Variants in ZBBX observed in about 807,000 individuals in gnomAD.
ZBBX encodes zinc finger B-box domain containing.
A neutral mutation model predicts 108.5 loss-of-function variants in ZBBX; 101 were observed. The observed-to-expected ratio is 0.93, with a 90% CI of 0.79 to 1.10. The LOEUF is 1.10. ZBBX is among the 50% of genes least tolerant of loss of function. ZBBX has a pLI of 0.00. For synonymous variants in ZBBX, 356 were observed against 323.4 expected (o/e 1.10, Z -1.08); for missense variants, 1,009 against 941.4 (o/e 1.07, Z -0.94).
chr3:167,256,046 A>G (rs901938033), intron 20 of ZBBX, among the ~76,000 whole-genome samples: 1 of 152,140 alleles, frequency 6.6e-6, no homozygotes, highest in Non-Finnish European at 1.5e-5. Flanking sequence ...CAAATAAGTG[A>G]TAACATGCAA....
intron 11 of ZBBX, among the ~76,000 whole-genome samples, chr3:167,323,140 G>T (rs965782055): frequency 1.3e-5 from 2 of 149,930 alleles, no homozygotes; most frequent in African/African-American, 4.9e-5. Context: ...AAAGAGCAGA[G>T]TTAAGGACAT....
At chr3:167,306,141 T>C (rs906848225) in intron 16 of ZBBX, among the ~76,000 whole-genome samples, 191 bp from the exon 17 acceptor site, 2 of 152,186 alleles carry the variant, frequency 1.3e-5, no homozygotes, top group Non-Finnish European at 2.9e-5. Context: ...CATAATTCAC[T>C]TATAGAACCA....
chr3:167,222,352 A>T, the ZBBX span, among the ~76,000 whole-genome samples: 111 of 152,102 alleles, frequency 7.3e-4, 1 homozygote, highest in Middle Eastern at 6.8e-3. Flanking sequence ...TGAGATCTAA[A>T]AATCAAAACA....
At chr3:167,284,988 T>C (rs1729456465) in intron 19 of ZBBX, among the ~76,000 whole-genome samples, 1 of 152,082 alleles carries the variant, frequency 6.6e-6, no homozygotes, top group Admixed American at 6.6e-5. Context: ...TCTCAATTTG[T>C]AGATTAAAAG....
rs1310255920 is a variant in ZBBX at position 167,359,897 on chromosome 3, T to C, written c.405A>G (p.Gly135=). The change falls in exon 8 of 22, where the codon GGA becomes GGG. Residue 135 remains glycine, a synonymous_variant. Transcript: ENST00000675490. ...EKPKINGKVC[G]QCENKAALLV... ...GTAGAGCAGCTTTGTTCTCACACTG[T>C]CCACATACTTTCCCATTTATCTTGG... The C allele has an allele frequency of 1.9e-6, 3 of 1,561,734 alleles. No individual in the cohort carries two copies. Among genetic ancestry groups the C allele is most frequent in the Non-Finnish European group, 2.6e-6 (3 of 1,148,236 alleles).
At chr3:167,288,357 G>C (rs942915851) in intron 19 of ZBBX, among the ~76,000 whole-genome samples, 2 of 152,148 alleles carry the variant, frequency 1.3e-5, no homozygotes, top group Non-Finnish European at 2.9e-5. Flanking sequence ...TTAGAGAATA[G>C]AGGTAATGAA....
chr3:167,329,406 T>C (rs573442854), intron 10 of ZBBX, among the ~76,000 whole-genome samples: 24 of 152,300 alleles, frequency 1.6e-4, no homozygotes, highest in African/African-American at 5.5e-4. Flanking sequence ...GGGTATATTG[T>C]TAAAGACGTA....
intron 20 of ZBBX, among the ~76,000 whole-genome samples, chr3:167,250,528 A>G (rs1722393288): frequency 1.1e-5 from 1 of 87,468 alleles, no homozygotes; most frequent in Non-Finnish European, 2.1e-5. Flanking sequence ...TTAACCTTAT[A>G]AAACTTTTTT....
intron 10 of ZBBX, among the ~76,000 whole-genome samples, chr3:167,331,972 T>A (rs1738708829): frequency 6.6e-6 from 1 of 152,120 alleles, no homozygotes; most frequent in Non-Finnish European, 1.5e-5. Flanking sequence ...AAAAAGGCCA[T>A]AAGAGAAGCA....
chr3:167,192,552 C>T, the ZBBX span, among the ~76,000 whole-genome samples: 1 of 152,104 alleles, frequency 6.6e-6, no homozygotes, highest in African/African-American at 2.4e-5. Flanking sequence ...TCAGGATGTT[C>T]TCTTTAATCG....
intron 20 of ZBBX, among the ~76,000 whole-genome samples, chr3:167,278,803 A>G (rs956109072): frequency 1.3e-5 from 2 of 150,618 alleles, no homozygotes; most frequent in African/African-American, 4.9e-5. Context: ...ACCAAAAAAG[A>G]GAATTTTAGA....
chr3:167,205,796 C>T, the ZBBX span, among the ~76,000 whole-genome samples: 1 of 152,220 alleles, frequency 6.6e-6, no homozygotes, highest in East Asian at 1.9e-4. Context: ...TATTACATCT[C>T]AGAATAAAAT....
the ZBBX span, among the ~76,000 whole-genome samples, chr3:167,188,657 TG>T: frequency 6.6e-6 from 1 of 152,244 alleles, no homozygotes; most frequent in East Asian, 1.9e-4. Context: ...CTTTTCCTTT[TG>T]CTGACTTCAA....
chr3:167,400,699 A>G (rs1186506028), intron 1 of ZBBX, among the ~76,000 whole-genome samples: 3 of 152,112 alleles, frequency 2.0e-5, no homozygotes, highest in Middle Eastern at 3.2e-3. Flanking sequence ...TCCTGACGAC[A>G]CATGCACCAG....
At chr3:167,226,921 T>C in the ZBBX span, among the ~76,000 whole-genome samples, 10 of 151,802 alleles carry the variant, frequency 6.6e-5, no homozygotes, top group Non-Finnish European at 1.5e-4. Context: ...GTGGAAGAGA[T>C]TTCATCAGCC....
At chr3:167,363,146 T>G (rs71627207) in intron 6 of ZBBX, among the ~76,000 whole-genome samples, 13,437 of 151,988 alleles carry the variant, frequency 0.088, 600 homozygotes, top group Admixed American at 0.11. Context: ...TATCTCTTCC[T>G]TCTGATGCCT....
intron 16 of ZBBX, 33 bp from the exon 17 acceptor site, chr3:167,305,983 A>T (rs1733573333): frequency 7.0e-7 from 1 of 1,418,560 alleles, no homozygotes; most frequent in African/African-American, 1.5e-5. Context: ...AAAGGTACAT[A>T]AATAAATTTA....
chr3:167,404,022 G>A (rs6794149), intron 1 of ZBBX, among the ~76,000 whole-genome samples: 13 of 151,942 alleles, frequency 8.6e-5, no homozygotes, highest in Admixed American at 2.6e-4. Context: ...TGTCAGAGGC[G>A]AAAAAAGTCA....
intron 20 of ZBBX, among the ~76,000 whole-genome samples, chr3:167,275,319 C>A (rs375722023): frequency 6.6e-6 from 1 of 152,150 alleles, no homozygotes; most frequent in Non-Finnish European, 1.5e-5. Context: ...CAGCTCCCAG[C>A]GTGAGCGACG....
Sources: gnomAD v4.1 joint callset for allele counts (sites outside exome capture counted in the v4.1 genomes callset) on GRCh38, gnomAD v4.1.1 for gene constraint, MANE v1.5 for transcripts, NCBI Gene and HGNC (gene_info 2026-07-23, HGNC 2026-07-21) for gene names.